Variants in UTP6 observed in about 807,000 individuals in gnomAD.
UTP6 encodes UTP6 small subunit processome component, also known as U3 small nucleolar RNA-associated protein 6 homolog.
UTP6 carries 60 observed loss-of-function variants against 96.5 expected under a neutral mutation model. The ratio of observed to expected loss-of-function variants is 0.62; its 90% CI spans 0.51 to 0.77. The LOEUF is 0.77. Ranked by LOEUF, UTP6 falls within the 30% of genes least tolerant of loss-of-function variation. The pLI is 0.00. For missense variants in UTP6, 637 were observed against 706.5 expected (o/e 0.90, Z 1.12); for synonymous variants, 215 against 240.1 (o/e 0.90, Z 0.96).
chr17:31,880,324 G>C, intron 11 of UTP6: 1 of 428,440 alleles, frequency 2.3e-6, no homozygotes. Flanking sequence ...GGGAGGCTGA[G>C]GCAGGAGAAT....
intron 14 of UTP6, chr17:31,874,212 G>T: frequency 6.2e-6 from 1 of 160,298 alleles, no homozygotes; most frequent in Non-Finnish European, 1.3e-5. Context: ...AATCTAGGCT[G>T]AACTATCTGA....
chr17:31,867,542 A>G, intron 17 of UTP6, among the ~76,000 whole-genome samples: 1 of 151,330 alleles, frequency 6.6e-6, no homozygotes, highest in East Asian at 1.9e-4. Flanking sequence ...TAAGTTTTCT[A>G]TTCCCCAAAC....
At chr17:31,867,798 A>G (rs1909911717) in intron 17 of UTP6, among the ~76,000 whole-genome samples, 1 of 152,016 alleles carries the variant, frequency 6.6e-6, no homozygotes, top group South Asian at 2.1e-4. Context: ...TCTACTAAAA[A>G]TACAAAAATT....
At chr17:31,899,842 T>A (rs1157140851) in intron 1 of UTP6, 112 bp from the exon 2 acceptor site, 3 of 796,502 alleles carry the variant, frequency 3.8e-6, no homozygotes, top group Admixed American at 6.8e-5. Context: ...CCTAGAGTTA[T>A]CTTTCATAAG....
At chr17:31,876,188 C>T (rs189023073) in intron 13 of UTP6, among the ~76,000 whole-genome samples, 4 of 151,994 alleles carry the variant, frequency 2.6e-5, no homozygotes, top group African/African-American at 9.6e-5. Flanking sequence ...AGGCGCCCAT[C>T]GCCACGCCTG....
At chr17:31,895,726 G>T (rs1904596714) in intron 2 of UTP6, among the ~76,000 whole-genome samples, 1 of 151,898 alleles carries the variant, frequency 6.6e-6, no homozygotes, top group Non-Finnish European at 1.5e-5. Context: ...TAGAGATGGG[G>T]TTTCACCATG....
intron 10 of UTP6, among the ~76,000 whole-genome samples, chr17:31,883,476 C>A (rs1378946861): frequency 6.6e-6 from 1 of 151,542 alleles, no homozygotes; most frequent in Non-Finnish European, 1.5e-5. Context: ...CCACCACGCC[C>A]GACTAATTTT....
intron 13 of UTP6, 68 bp from the exon 14 acceptor site, chr17:31,875,481 C>T: frequency 6.5e-7 from 1 of 1,531,624 alleles, no homozygotes; most frequent in Non-Finnish European, 8.8e-7. Context: ...AAATGTAAAC[C>T]TATGCCTCAT....
chr17:31,897,649 A>C (rs1316017089), intron 2 of UTP6, among the ~76,000 whole-genome samples: 1 of 151,764 alleles, frequency 6.6e-6, no homozygotes, highest in Non-Finnish European at 1.5e-5. Flanking sequence ...GGGTTTCACC[A>C]TGTTGGCCAG....
At chr17:31,886,180 C>G in intron 8 of UTP6, 119 bp from the exon 9 acceptor site, 1 of 746,480 alleles carries the variant, frequency 1.3e-6, no homozygotes, top group South Asian at 1.7e-5. Flanking sequence ...TCATGTCTCT[C>G]TCTCCGGGCC....
Position 31,863,141 on chromosome 17 carries a change from G to C in UTP6, c.*218C>G, listed in dbSNP as rs747122909. 9.6e-6 allele frequency: 5 copies of C among 520,752 alleles called. No homozygotes were observed. The highest frequency in any genetic ancestry group is 1.7e-5 in the Non-Finnish European group (5 of 296,698). The allele number at this position is 520,752 out of a possible 1,614,324, so 32.3% of individuals were successfully genotyped here. ...AGGTCACTTGAGTCCAGGAGTTCAAGACCAGCCAGGGCAACAGAGCAAGAC... is the reference window on the plus strand; with the variant it reads ...AGGTCACTTGAGTCCAGGAGTTCAACACCAGCCAGGGCAACAGAGCAAGAC... On this transcript the variant is annotated 3_prime_UTR_variant, in exon 19 of 19. Coordinates refer to ENST00000261708, the MANE Select transcript of UTP6 (RefSeq NM_018428.3).
At chr17:31,897,131 A>C (rs750566538) in intron 2 of UTP6, among the ~76,000 whole-genome samples, 1 of 152,072 alleles carries the variant, frequency 6.6e-6, no homozygotes, top group African/African-American at 2.4e-5. Flanking sequence ...TACAAAAAAT[A>C]AGAAAATTAG....
chr17:31,880,612 A>G lies in UTP6; in HGVS notation c.928T>C (p.Cys310Arg). The G allele has an allele frequency of 6.2e-7, 1 of 1,614,042 alleles. No individual in the cohort carries two copies. Among genetic ancestry groups the G allele is most frequent in the Non-Finnish European group, 8.5e-7 (1 of 1,180,002 alleles). Reference protein sequence around the residue: ...VEVGRKEERCCAVYEEAVKTL... With the variant: ...VEVGRKEERCRAVYEEAVKTL... ...TTCACTGCCTCTTCATACACAGCAC[A>G]GCACCTCTCCTCCTTCCGGCCGACC... The change falls in exon 11 of 19, where the codon TGT (cysteine) becomes CGT (arginine). Residue 310 changes from cysteine to arginine, a missense_variant. Coordinates refer to ENST00000261708, the MANE Select transcript of UTP6 (RefSeq NM_018428.3).
intron 5 of UTP6, 82 bp downstream of exon 5, chr17:31,892,664 GA>G: frequency 6.4e-7 from 1 of 1,570,670 alleles, no homozygotes; most frequent in South Asian, 1.1e-5. Context: ...TACACTTCAG[GA>G]AAAAACATCT....
At chr17:31,880,354 G>A in intron 11 of UTP6, 2 of 495,946 alleles carry the variant, frequency 4.0e-6, no homozygotes, top group Non-Finnish European at 7.2e-6. Flanking sequence ...CCGGGAGGTG[G>A]AGGTTGCAGT....
chr17:31,894,022 A>G (rs983123134), intron 4 of UTP6, among the ~76,000 whole-genome samples: 1 of 151,860 alleles, frequency 6.6e-6, no homozygotes, highest in Non-Finnish European at 1.5e-5. Flanking sequence ...TAATCCCAGC[A>G]CTTTGGGAGG....
intron 10 of UTP6, among the ~76,000 whole-genome samples, chr17:31,883,111 A>T (rs571805964): frequency 8.5e-5 from 13 of 152,254 alleles, no homozygotes; most frequent in African/African-American, 2.6e-4. Context: ...AGGCAGGAGG[A>T]TCACTTGAGC....
intron 2 of UTP6, among the ~76,000 whole-genome samples, chr17:31,897,443 C>CTTTTTT (rs397857995): frequency 3.9e-4 from 40 of 103,210 alleles, no homozygotes; most frequent in Middle Eastern, 6.6e-3. Context: ...AACTTCTAGT[C>CTTTTTT]TTTTTTTTTT....
chr17:31,870,838 C>G (rs996552480), intron 16 of UTP6, among the ~76,000 whole-genome samples: 3 of 151,046 alleles, frequency 2.0e-5, no homozygotes, highest in African/African-American at 7.3e-5. Flanking sequence ...TGTTTTGAGA[C>G]AGGGTCTCAC....
Sources: allele counts gnomAD v4.1 joint callset (sites outside exome capture counted in the v4.1 genomes callset), GRCh38; gene constraint gnomAD v4.1.1; transcripts MANE v1.5; gene names NCBI Gene and HGNC (gene_info 2026-07-23, HGNC 2026-07-21).